The following KHDRBS2 variants were observed in gnomAD, a reference collection of about 807,000 sequenced individuals.
KHDRBS2 encodes the protein KH domain-containing, RNA-binding, signal transduction-associated protein 2.
Under a neutral mutation model 44.3 loss-of-function variants are expected in KHDRBS2, and 26 were observed. That is an observed-to-expected ratio of 0.59 (90% CI 0.43 to 0.81). The LOEUF is 0.81. KHDRBS2 is among the 40% of genes least tolerant of loss of function. The pLI is 0.00. For missense variants in KHDRBS2, 476 were observed against 433.1 expected, an observed-to-expected ratio of 1.10 and a Z score of -0.88; for synonymous variants, 194 against 151.1, an observed-to-expected ratio of 1.28 and a Z score of -2.08.
At chr6:61,732,442 TTG>T (rs1774631408) in intron 7 of KHDRBS2, among the ~76,000 whole-genome samples, 1 of 152,144 alleles carries the variant, frequency 6.6e-6, no homozygotes, top group African/African-American at 2.4e-5. Flanking sequence ...ATTTAACGAG[TTG>T]ATTGGTTGCC....
At chr6:62,098,918 G>A (rs183767372) in intron 2 of KHDRBS2, among the ~76,000 whole-genome samples, 1 of 150,828 alleles carries the variant, frequency 6.6e-6, no homozygotes, top group Non-Finnish European at 1.5e-5. Context: ...GTCTGCTGTT[G>A]ATGCTCTCTA....
chr6:62,100,151 T>C (rs753133553), intron 2 of KHDRBS2, among the ~76,000 whole-genome samples: 8 of 152,192 alleles, frequency 5.3e-5, no homozygotes, highest in Non-Finnish European at 7.3e-5. Flanking sequence ...GAGGGTTTCA[T>C]GACTTCAGTG....
At chr6:61,543,888 G>A in the KHDRBS2 span, among the ~76,000 whole-genome samples, 1 of 151,968 alleles carries the variant, frequency 6.6e-6, no homozygotes, top group South Asian at 2.1e-4. Flanking sequence ...ATTTGTGGGA[G>A]CTAAAAATCG....
At chr6:61,841,331 G>A (rs940354965) in intron 6 of KHDRBS2, among the ~76,000 whole-genome samples, 4 of 151,888 alleles carry the variant, frequency 2.6e-5, no homozygotes, top group Non-Finnish European at 5.9e-5. Context: ...CTTTCCATAT[G>A]GGAAATTTTG....
intron 3 of KHDRBS2, among the ~76,000 whole-genome samples, chr6:62,001,832 T>C (rs994828358): frequency 2.0e-5 from 3 of 152,122 alleles, no homozygotes; most frequent in African/African-American, 7.2e-5. Context: ...TTTGTTTCAA[T>C]TTTCTTTGTG....
intron 3 of KHDRBS2, among the ~76,000 whole-genome samples, chr6:62,042,514 A>G (rs1786750047): frequency 6.6e-6 from 1 of 152,094 alleles, no homozygotes; most frequent in Admixed American, 6.6e-5. Flanking sequence ...GAGTTGAAAC[A>G]GGAGTCTATG....
chr6:61,553,425 A>G, the KHDRBS2 span, among the ~76,000 whole-genome samples: 1 of 151,612 alleles, frequency 6.6e-6, no homozygotes, highest in Admixed American at 6.6e-5. Flanking sequence ...TAGTCTGTCT[A>G]TCCTATTTAT....
At chr6:61,987,372 T>A (rs1325510953) in intron 3 of KHDRBS2, among the ~76,000 whole-genome samples, 1 of 152,194 alleles carries the variant, frequency 6.6e-6, no homozygotes, top group African/African-American at 2.4e-5. Flanking sequence ...AACCAAATAA[T>A]AAAAAAGTTG....
intron 6 of KHDRBS2, among the ~76,000 whole-genome samples, chr6:61,872,403 C>T (rs1798786469): frequency 6.6e-6 from 1 of 151,840 alleles, no homozygotes; most frequent in Non-Finnish European, 1.5e-5. Context: ...AATATAAACA[C>T]ATAAGAAAAA....
Position 61,848,489 on chromosome 6 carries a change from A to ATATATG in KHDRBS2, c.810+46145_810+46146insCATATA, listed in dbSNP as rs1204341059. ...AGGTTTTATATATATATATATATAT[A>ATATATG]TGTATATATATATATATATATGTAT... On this transcript the variant is annotated intron_variant, in intron 6 of 8. Transcript: ENST00000281156. Among the ~76,000 whole-genome samples, 400 of 44,622 alleles carry ATATATG rather than the reference A, an allele frequency of 9.0e-3. 38 individuals carry two copies. The highest frequency in any genetic ancestry group is 0.048 in the African/African-American group (384 of 7,940). 29.3% of individuals were successfully genotyped at this position (44,622 alleles called of 152,430 possible).
At chr6:61,544,334 A>T in the KHDRBS2 span, among the ~76,000 whole-genome samples, 7 of 152,246 alleles carry the variant, frequency 4.6e-5, no homozygotes, top group Middle Eastern at 3.4e-3. Context: ...AGCAGATTTC[A>T]TAATCAGCAC....
At chr6:61,623,181 C>T in the KHDRBS2 span, among the ~76,000 whole-genome samples, 1 of 152,036 alleles carries the variant, frequency 6.6e-6, no homozygotes, top group African/African-American at 2.4e-5. Flanking sequence ...AAGTCATGAT[C>T]CCTTGCTCAG....
chr6:62,149,934 C>T (rs1814755572), intron 2 of KHDRBS2, among the ~76,000 whole-genome samples: 1 of 152,148 alleles, frequency 6.6e-6, no homozygotes, highest in South Asian at 2.1e-4. Context: ...TTCAACTGAA[C>T]TCCTTTTTTT....
intron 2 of KHDRBS2, among the ~76,000 whole-genome samples, chr6:62,081,392 A>C (rs1797362377): frequency 6.6e-6 from 1 of 152,154 alleles, no homozygotes; most frequent in African/African-American, 2.4e-5. Flanking sequence ...TGTTTCCCTA[A>C]TATTTTTCAA....
At chr6:61,647,154 AT>A in the KHDRBS2 span, among the ~76,000 whole-genome samples, 2 of 152,140 alleles carry the variant, frequency 1.3e-5, no homozygotes, top group Non-Finnish European at 2.9e-5. Flanking sequence ...ATTGATCTTT[AT>A]CGTCTTTACA....
the KHDRBS2 span, among the ~76,000 whole-genome samples, chr6:61,556,534 C>A: frequency 4.6e-5 from 7 of 152,246 alleles, no homozygotes; most frequent in South Asian, 1.5e-3. Flanking sequence ...GAGAAAATGC[C>A]TACCAAATAC....
At position 61,945,150 on chromosome 6, in the gene KHDRBS2, T is replaced by TATACACACAC. The variant is rs371595813; in HGVS notation, c.483+32915_483+32916insGTGTGTGTAT. ...ATATATATATATATATATATATATATACACACAGACTTGTCTTGATAAAGT... is the reference window on the plus strand; with the variant it reads ...ATATATATATATATATATATATATATATACACACACACACACAGACTTGTCTTGATAAAGT... On this transcript the variant is annotated intron_variant, in intron 4 of 8. Coordinates refer to ENST00000281156, the MANE Select transcript of KHDRBS2 (RefSeq NM_152688.4). Among the ~76,000 whole-genome samples, 339 of 86,990 alleles carry TATACACACAC rather than the reference T, an allele frequency of 3.9e-3. 8 individuals carry two copies. Among genetic ancestry groups the TATACACACAC allele is most frequent in the African/African-American group, 5.2e-3 (122 of 23,340 alleles). The allele number at this position is 86,990 out of a possible 152,430, so 57.1% of individuals were successfully genotyped here.
intron 4 of KHDRBS2, among the ~76,000 whole-genome samples, chr6:61,917,664 AT>A (rs1807273089): frequency 1.3e-5 from 2 of 151,932 alleles, no homozygotes; most frequent in African/African-American, 4.8e-5. Context: ...GTGTCAATGT[AT>A]TTCACTGATA....
chr6:61,870,727 G>A (rs1798540959), intron 6 of KHDRBS2, among the ~76,000 whole-genome samples: 1 of 152,020 alleles, frequency 6.6e-6, no homozygotes, highest in Non-Finnish European at 1.5e-5. Context: ...GATACCCAGG[G>A]AAACAGGGTC....
Sources: allele counts gnomAD v4.1 joint callset (sites outside exome capture counted in the v4.1 genomes callset), GRCh38; gene constraint gnomAD v4.1.1; transcripts MANE v1.5; gene names NCBI Gene and HGNC (gene_info 2026-07-23, HGNC 2026-07-21).